Variants in RSRP1 observed in about 807,000 individuals in gnomAD.
The protein encoded by RSRP1 is arginine and serine rich protein 1, also known as arginine/serine-rich protein 1.
Under a neutral mutation model 33.0 loss-of-function variants are expected in RSRP1, and 37 were observed. The observed-to-expected ratio is 1.12, with a 90% CI of 0.86 to 1.48. The LOEUF (loss-of-function observed/expected upper bound fraction) is 1.48, where lower values mean the gene tolerates loss of function less well. RSRP1 is among the 40% of genes most tolerant of loss of function. The pLI, the probability that RSRP1 is intolerant of heterozygous loss-of-function variation, is 0.00. For missense variants in RSRP1, 402 were observed against 385.3 expected (o/e 1.04, Z -0.36); for synonymous variants, 167 against 158.7 (o/e 1.05, Z -0.40).
chr1:25,263,338 G>C (rs370070498), intron 1 of RSRP1, among the ~76,000 whole-genome samples: 1,566 of 151,882 alleles, frequency 0.01, 38 homozygotes, highest in African/African-American at 0.033. Context: ...TCACAAACCC[G>C]AGACTAGGCA....
intron 1 of RSRP1, among the ~76,000 whole-genome samples, chr1:25,296,231 C>T (rs1389762625): frequency 8.1e-6 from 1 of 123,754 alleles, no homozygotes; most frequent in African/African-American, 2.8e-5. Flanking sequence ...CTAAATACTT[C>T]AGTGTACATT....
rs149598033 is a variant in RSRP1, at chr1:25,290,792, G to A, written c.-66-43763C>T. The A allele has an allele frequency of 7.3e-5, 101 of 1,376,302 alleles. 29 individuals are homozygous for A. Among genetic ancestry groups the A allele is most frequent in the Middle Eastern group, 1.8e-4 (1 of 5,514 alleles). The allele number at this position is 1,376,302 out of a possible 1,614,324, so 85.3% of individuals were successfully genotyped here. On this transcript the variant is annotated intron_variant, in intron 1 of 1. Transcript: ENST00000561867. ...GATGGTCATCAGTAATATCTTCAAC[G>A]TGAGTCATGGTGCTGGGAGGAGGGA...
intron 1 of RSRP1, among the ~76,000 whole-genome samples, chr1:25,291,411 G>C (rs1642495492): frequency 7.6e-6 from 1 of 132,378 alleles, no homozygotes; most frequent in African/African-American, 2.6e-5. Context: ...GGAGGTTGCA[G>C]TGAACCGAGA....
intron 1 of RSRP1, among the ~76,000 whole-genome samples, chr1:25,312,456 G>A (rs1236765786): frequency 1.6e-5 from 2 of 125,242 alleles, no homozygotes; most frequent in Admixed American, 1.6e-4. Context: ...TTAAGACTTT[G>A]GGGGTTGTCT....
At chr1:25,248,688 A>G (rs1639665640), upstream of RSRP1, among the ~76,000 whole-genome samples, 1 of 152,124 alleles carries the variant, frequency 6.6e-6, no homozygotes, top group African/African-American at 2.4e-5. Flanking sequence ...TCTCTTGTTC[A>G]TCTTCACCCC....
chr1:25,305,903 G>C (rs1643787474), intron 1 of RSRP1, among the ~76,000 whole-genome samples: 1 of 131,556 alleles, frequency 7.6e-6, no homozygotes, highest in South Asian at 2.3e-4. Context: ...TGCCCAACCT[G>C]GATTTTTATT....
chr1:25,268,555 G>C (rs112251305), intron 1 of RSRP1, among the ~76,000 whole-genome samples: 3 of 131,174 alleles, frequency 2.3e-5, no homozygotes, highest in Admixed American at 7.4e-5. Flanking sequence ...TATAGACCTC[G>C]TCAGATGCTA....
intron 1 of RSRP1, among the ~76,000 whole-genome samples, chr1:25,274,499 G>T (rs1269761801): frequency 7.6e-6 from 1 of 132,420 alleles, no homozygotes; most frequent in Admixed American, 7.3e-5. Flanking sequence ...CACTTTATAC[G>T]GAAGCTCAGA....
chr1:25,267,886 C>T (rs1229088113), intron 1 of RSRP1: 2 of 131,892 alleles, frequency 1.5e-5, no homozygotes, highest in East Asian at 2.0e-4. Context: ...GCGGAAAGCC[C>T]CTGAACCCAG....
chr1:25,282,826 T>C (rs1468369787), intron 1 of RSRP1, among the ~76,000 whole-genome samples: 2 of 124,918 alleles, frequency 1.6e-5, no homozygotes, highest in African/African-American at 2.7e-5. Context: ...ACCCGGGAGG[T>C]GGAGGTTGCA....
chr1:25,259,548 G>A (rs1186367555), intron 1 of RSRP1, among the ~76,000 whole-genome samples: 1 of 151,530 alleles, frequency 6.6e-6, no homozygotes, highest in African/African-American at 2.4e-5. Context: ...CTGTCACCAG[G>A]CTGGAGTGCA....
intron 1 of RSRP1, chr1:25,329,016 C>T (rs1571773957): frequency 7.3e-7 from 1 of 1,377,786 alleles, no homozygotes; most frequent in East Asian, 2.2e-5. Flanking sequence ...ACGCTCATGA[C>T]AGCAAAGTCT....
rs1225112206 is a variant in RSRP1, at chr1:25,314,951, T to C, written c.-67+23027A>G. Among the ~76,000 whole-genome samples the C allele has an allele frequency of 5.4e-5, 7 of 130,806 alleles. 1 individual carries two copies. Among genetic ancestry groups the C allele is most frequent in the African/African-American group, 1.8e-4 (7 of 38,388 alleles). 85.8% of individuals were successfully genotyped at this position (130,806 alleles called of 152,430 possible). On this transcript the variant is annotated intron_variant, in intron 1 of 1. Coordinates refer to the RSRP1 transcript ENST00000561867. ...CCAGCGCGGTGGCTCACACCTGTAATCCCAGCACTTTGGGAGGCTGAGGCT... is the reference window on the plus strand; with the variant it reads ...CCAGCGCGGTGGCTCACACCTGTAACCCCAGCACTTTGGGAGGCTGAGGCT...
At chr1:25,255,280 T>C (rs1337619420) in intron 1 of RSRP1, among the ~76,000 whole-genome samples, 2 of 152,204 alleles carry the variant, frequency 1.3e-5, no homozygotes, top group Admixed American at 6.5e-5. Flanking sequence ...CTTTGTGTCC[T>C]GCTCCCCCCA....
At chr1:25,254,650 G>A (rs1639893328) in intron 1 of RSRP1, among the ~76,000 whole-genome samples, 1 of 152,064 alleles carries the variant, frequency 6.6e-6, no homozygotes, top group South Asian at 2.1e-4. Flanking sequence ...TGACCAGGCT[G>A]GTCTCGAACT....
intron 1 of RSRP1, chr1:25,284,474 T>C: frequency 1.8e-6 from 2 of 1,118,958 alleles, no homozygotes; most frequent in Non-Finnish European, 2.7e-6. Context: ...CGATCTTGCA[T>C]GCCCCTTCCA....
intron 1 of RSRP1, among the ~76,000 whole-genome samples, chr1:25,281,656 C>G (rs183032509): frequency 7.6e-6 from 1 of 131,080 alleles, no homozygotes; most frequent in East Asian, 2.0e-4. Context: ...TGGCCACACA[C>G]CCCCATTCCT....
chr1:25,331,900 C>G (rs1464920013), intron 1 of RSRP1, among the ~76,000 whole-genome samples: 2 of 128,856 alleles, frequency 1.6e-5, no homozygotes, highest in Non-Finnish European at 3.7e-5. Flanking sequence ...CCACTACGCC[C>G]GGCTAACTTT....
chr1:25,329,028 C>A (rs773631197), intron 1 of RSRP1: 2 of 1,378,232 alleles, frequency 1.5e-6, no homozygotes, highest in East Asian at 4.5e-5. Context: ...GCAAAGTCTC[C>A]AATGTTCGCG....
Sources: gnomAD v4.1 joint callset for allele counts (sites outside exome capture counted in the v4.1 genomes callset) on GRCh38, gnomAD v4.1.1 for gene constraint, MANE v1.5 for transcripts, NCBI Gene and HGNC (gene_info 2026-07-23, HGNC 2026-07-21) for gene names.